ABTB3: variants seen among roughly 807,000 people sequenced by gnomAD.
The protein encoded by ABTB3 is ankyrin repeat and BTB domain containing 3.
At chr12:107,322,059 C>T in the ABTB3 span, among the ~76,000 whole-genome samples, 1 of 152,314 alleles carries the variant, frequency 6.6e-6, no homozygotes, top group Non-Finnish European at 1.5e-5. Flanking sequence ...ATGTAATACA[C>T]CCCCAGGTCC....
chr12:107,487,396 G>A, the ABTB3 span, among the ~76,000 whole-genome samples: 1 of 152,126 alleles, frequency 6.6e-6, no homozygotes, highest in African/African-American at 2.4e-5. Context: ...TTTCTACACT[G>A]TATTGGCTGC....
At chr12:107,515,267 T>TAA in the ABTB3 span, among the ~76,000 whole-genome samples, 1 of 152,190 alleles carries the variant, frequency 6.6e-6, no homozygotes, top group Non-Finnish European at 1.5e-5. Context: ...ATCTGGGTTG[T>TAA]TGACTTGCTG....
At chr12:107,344,035 C>T in the ABTB3 span, among the ~76,000 whole-genome samples, 2 of 152,190 alleles carry the variant, frequency 1.3e-5, no homozygotes, top group African/African-American at 4.8e-5. Context: ...AACTCAGGCT[C>T]CTTCTGTCTT....
chr12:107,390,424 C>T, the ABTB3 span, among the ~76,000 whole-genome samples: 1 of 152,220 alleles, frequency 6.6e-6, no homozygotes, highest in Non-Finnish European at 1.5e-5. Flanking sequence ...ATGCTGTTTC[C>T]TCTATGACAT....
the ABTB3 span, among the ~76,000 whole-genome samples, chr12:107,643,156 G>A: frequency 1.1e-4 from 17 of 152,164 alleles, no homozygotes; most frequent in East Asian, 3.3e-3. Context: ...AGCACTTTGG[G>A]AGGCCAATGT....
At chr12:107,562,472 G>T in the ABTB3 span, among the ~76,000 whole-genome samples, 67 of 152,330 alleles carry the variant, frequency 4.4e-4, no homozygotes, top group Middle Eastern at 3.4e-3. Context: ...AAGGCTCTGG[G>T]GCAGAAACAT....
the ABTB3 span, among the ~76,000 whole-genome samples, chr12:107,377,823 T>C: frequency 6.6e-6 from 1 of 152,258 alleles, no homozygotes; most frequent in East Asian, 1.9e-4. Context: ...TGGCCAAATG[T>C]AATAAAGGCA....
the ABTB3 span, among the ~76,000 whole-genome samples, chr12:107,561,274 G>A: frequency 6.6e-6 from 1 of 152,232 alleles, no homozygotes; most frequent in East Asian, 1.9e-4. Flanking sequence ...ACTAGTAAAA[G>A]GAAACTAAAG....
the ABTB3 span, among the ~76,000 whole-genome samples, chr12:107,644,139 T>TA: frequency 3.9e-5 from 6 of 152,270 alleles, no homozygotes; most frequent in East Asian, 1.2e-3. Context: ...GTCTTAGTTC[T>TA]AGTTAGCGAT....
At chr12:107,372,344 C>A in the ABTB3 span, among the ~76,000 whole-genome samples, 1 of 152,138 alleles carries the variant, frequency 6.6e-6, no homozygotes, top group Non-Finnish European at 1.5e-5. Flanking sequence ...CATTTAAGCC[C>A]ATTTCCTGCC....
chr12:107,608,499 T>G, the ABTB3 span, among the ~76,000 whole-genome samples: 1 of 152,210 alleles, frequency 6.6e-6, no homozygotes, highest in Non-Finnish European at 1.5e-5. Flanking sequence ...TCACACAACC[T>G]GTGTGTCTCA....
At chr12:107,402,756 G>A in the ABTB3 span, among the ~76,000 whole-genome samples, 3 of 152,204 alleles carry the variant, frequency 2.0e-5, no homozygotes, top group Non-Finnish European at 4.4e-5. Context: ...GCCAGGCCTT[G>A]CAGACAGAAT....
At chr12:107,465,975 C>T in the ABTB3 span, among the ~76,000 whole-genome samples, 1 of 152,204 alleles carries the variant, frequency 6.6e-6, no homozygotes, top group South Asian at 2.1e-4. Context: ...CATCCAGCAT[C>T]GTGCTAGAGG....
the ABTB3 span, among the ~76,000 whole-genome samples, chr12:107,391,610 C>A: frequency 3.3e-5 from 5 of 152,104 alleles, no homozygotes; most frequent in Admixed American, 6.5e-5. Flanking sequence ...CACATGTGGA[C>A]CCCAGACTTT....
At chr12:107,659,005 G>GTA in the ABTB3 span, 1 of 152,606 alleles carries the variant, frequency 6.6e-6, no homozygotes, top group Non-Finnish European at 1.5e-5. Flanking sequence ...AAGTGCCACA[G>GTA]TATTCCAGAT....
chr12:107,645,465 A>G, the ABTB3 span, among the ~76,000 whole-genome samples: 3 of 152,184 alleles, frequency 2.0e-5, no homozygotes, highest in Non-Finnish European at 4.4e-5. Context: ...TGCTCCTAGC[A>G]GAGCTGAGGT....
At chr12:107,476,136 G>A in the ABTB3 span, among the ~76,000 whole-genome samples, 2 of 152,176 alleles carry the variant, frequency 1.3e-5, no homozygotes, top group Non-Finnish European at 2.9e-5. Flanking sequence ...GTTTGAGGGA[G>A]GGCAGTGTAG....
At chr12:107,551,252 G>C in the ABTB3 span, among the ~76,000 whole-genome samples, 9 of 152,150 alleles carry the variant, frequency 5.9e-5, no homozygotes, top group African/African-American at 1.9e-4. Flanking sequence ...GGATGAATGG[G>C]GACATGCTAG....
chr12:107,381,489 G>A, the ABTB3 span, among the ~76,000 whole-genome samples: 1 of 152,256 alleles, frequency 6.6e-6, no homozygotes, highest in African/African-American at 2.4e-5. Flanking sequence ...TGAGGAAGGA[G>A]TTGGCCAAGA....
Sources: gnomAD v4.1 joint callset for allele counts (sites outside exome capture counted in the v4.1 genomes callset) on GRCh38, gnomAD v4.1.1 for gene constraint, MANE v1.5 for transcripts, NCBI Gene and HGNC (gene_info 2026-07-23, HGNC 2026-07-21) for gene names.